The following HHAT variants were observed in gnomAD, a reference collection of about 807,000 sequenced individuals.
HHAT encodes protein-cysteine N-palmitoyltransferase HHAT.
HHAT carries 47 observed loss-of-function variants against 70.8 expected under a neutral mutation model. That is an observed-to-expected ratio of 0.66 (90% confidence interval 0.53 to 0.85). The LOEUF is 0.85. HHAT is among the 40% of genes least tolerant of loss of function. The pLI is 0.00. For synonymous variants in HHAT, 228 were observed against 247.6 expected (o/e 0.92, Z 0.74); for missense variants, 609 against 604.8 (o/e 1.01, Z -0.07).
intron 7 of HHAT, among the ~76,000 whole-genome samples, chr1:210,459,032 A>AG (rs2093926226): frequency 6.6e-6 from 1 of 152,156 alleles, no homozygotes; most frequent in Admixed American, 6.5e-5. Context: ...TATAGTTTTC[A>AG]GGGGGAGAAG....
intron 3 of HHAT, among the ~76,000 whole-genome samples, chr1:210,387,221 AT>A (rs1190024945): frequency 6.6e-6 from 1 of 152,156 alleles, no homozygotes; most frequent in Non-Finnish European, 1.5e-5. Context: ...TCCGAGGTGC[AT>A]TTGGGGAATG....
intron 10 of HHAT, among the ~76,000 whole-genome samples, chr1:210,609,263 G>A (rs1666119658): frequency 6.6e-6 from 1 of 151,886 alleles, no homozygotes; most frequent in Non-Finnish European, 1.5e-5. Flanking sequence ...CAAATATATT[G>A]TTATATAATC....
chr1:210,638,712 C>A (rs936993892), intron 11 of HHAT, among the ~76,000 whole-genome samples: 5 of 119,046 alleles, frequency 4.2e-5, no homozygotes, highest in East Asian at 2.3e-4. Flanking sequence ...ATAGAGAGAC[C>A]CTGTATTTAC....
chr1:210,567,754 G>A (rs1433842910), intron 9 of HHAT, among the ~76,000 whole-genome samples: 1 of 152,154 alleles, frequency 6.6e-6, no homozygotes, highest in African/African-American at 2.4e-5. Context: ...AGCTGTTAGG[G>A]TTATAGAGAT....
intron 8 of HHAT, among the ~76,000 whole-genome samples, chr1:210,492,252 G>A (rs192999319): frequency 7.2e-5 from 11 of 152,198 alleles, no homozygotes; most frequent in Admixed American, 6.5e-4. Flanking sequence ...AGAGGCTCCT[G>A]TAGCTCCAGT....
intron 11 of HHAT, among the ~76,000 whole-genome samples, chr1:210,657,695 C>T (rs1676733228): frequency 6.6e-6 from 1 of 152,258 alleles, no homozygotes; most frequent in Non-Finnish European, 1.5e-5. Flanking sequence ...GCATCACTCT[C>T]TTTCCTTTCC....
intron 2 of HHAT, among the ~76,000 whole-genome samples, chr1:210,350,616 A>G (rs940991916): frequency 2.0e-5 from 3 of 152,202 alleles, no homozygotes; most frequent in East Asian, 3.8e-4. Context: ...TGTTATAGCA[A>G]TCTTGTTATT....
In HHAT at chr1:210,588,058, G is replaced by A; in HGVS notation, c.1204G>A (p.Val402Ile). ...NWLGVTVENGVRRLVETPCIQ... is the reference protein window; with the variant it reads ...NWLGVTVENGIRRLVETPCIQ... ...GCTGGGAGTCACTGTGGAGAATGGA[G>A]TCCGGAGGCTGGTGGAGACTCCCTG... Residue 402 changes from valine to isoleucine, a missense_variant, in exon 10 of 12, where the codon GTC becomes ATC. By Grantham distance (29) the Val-to-Ile change is conservative. Coordinates refer to ENST00000261458, the MANE Select transcript of HHAT (RefSeq NM_018194.6). 6.2e-7 allele frequency: 1 copy of A among 1,612,994 alleles called. No individual in the cohort carries two copies. Among genetic ancestry groups the A allele is most frequent in the South Asian group, 1.1e-5 (1 of 90,956 alleles).
Position 210,370,610 on chromosome 1 carries a change from A to ATTTTT in HHAT, c.159+7708_159+7712dup, listed in dbSNP as rs10664778. On this transcript the variant is annotated intron_variant, in intron 3 of 11. Transcript: ENST00000261458. ...TTTATCCATTCACATTGCAGATGCT[A>ATTTTT]TTTTTTTTTTTTTTTTTTTTTGGAG... Among the ~76,000 whole-genome samples, 763 of 98,318 alleles carry ATTTTT rather than the reference A, an allele frequency of 7.8e-3. 26 individuals carry two copies. Among genetic ancestry groups the ATTTTT allele is most frequent in the Non-Finnish European group, 0.011 (571 of 52,372 alleles). The allele number at this position is 98,318 out of a possible 152,430, so 64.5% of individuals were successfully genotyped here.
At chr1:210,599,239 T>C (rs866726006) in intron 10 of HHAT, among the ~76,000 whole-genome samples, 1 of 152,178 alleles carries the variant, frequency 6.6e-6, no homozygotes, top group South Asian at 2.1e-4. Context: ...GTATCTCCCA[T>C]ATGGCTAATG....
At chr1:210,485,437 T>C (rs1260458706) in intron 8 of HHAT, among the ~76,000 whole-genome samples, 1 of 152,112 alleles carries the variant, frequency 6.6e-6, no homozygotes. Context: ...TTTCATCTCT[T>C]CCTTGGGTGC....
At chr1:210,422,929 G>GCTATAAATACCA (rs1282733150) in intron 7 of HHAT, among the ~76,000 whole-genome samples, 2 of 152,164 alleles carry the variant, frequency 1.3e-5, no homozygotes, top group Admixed American at 6.5e-5. Context: ...GAGCCACCAT[G>GCTATAAATACCA]CCCAGCTTTA....
intron 10 of HHAT, among the ~76,000 whole-genome samples, chr1:210,607,249 G>C (rs765275711): frequency 6.6e-6 from 1 of 151,688 alleles, no homozygotes. Flanking sequence ...TCTTTAATCT[G>C]CTCTATCTTA....
At position 210,332,304 on chromosome 1, in the gene HHAT, G is replaced by A. The variant is rs562187139; in HGVS notation, c.-44+3200G>A. ...GAATAGTTGTGCAGCTGTGGTGTTGGTTAGCAACAAAAGTGCAAGTGACAT... is the reference window on the plus strand; with the variant it reads ...GAATAGTTGTGCAGCTGTGGTGTTGATTAGCAACAAAAGTGCAAGTGACAT... On this transcript the variant is annotated intron_variant, in intron 1 of 11. Coordinates refer to ENST00000261458, the MANE Select transcript of HHAT (RefSeq NM_018194.6). Among the ~76,000 whole-genome samples the A allele has an allele frequency of 2.0e-5, 3 of 152,350 alleles. No homozygotes were observed. In the South Asian group the frequency reaches 6.2e-4, roughly 32 times the overall value.
chr1:210,459,183 A>G lies in HHAT; in HGVS notation c.857-5322A>G, dbSNP rs1398352809. Among the ~76,000 whole-genome samples, 5 of 152,072 alleles carry G rather than the reference A, an allele frequency of 3.3e-5. No individual in the cohort carries two copies. The South Asian group carries it at 8.3e-4, about 25-fold the overall frequency. On this transcript the variant is annotated intron_variant, in intron 7 of 11. Transcript: ENST00000261458. ...GGACTTCTTTCTCTCCTTTTTACCA[A>G]TGTTCTTGATACTGGGAATACAAGG...
intron 10 of HHAT, among the ~76,000 whole-genome samples, chr1:210,591,542 CTTTCT>C (rs1661707095): frequency 6.6e-6 from 1 of 152,046 alleles, no homozygotes; most frequent in Non-Finnish European, 1.5e-5. Flanking sequence ...TACCGATTTC[CTTTCT>C]TTTGAGTATA....
chr1:210,545,063 T>A (rs2095471078), intron 9 of HHAT, among the ~76,000 whole-genome samples: 1 of 151,998 alleles, frequency 6.6e-6, no homozygotes, highest in South Asian at 2.1e-4. Flanking sequence ...TTCTCCATAT[T>A]GTAATGAGAA....
chr1:210,584,880 C>T (rs769698502), intron 9 of HHAT, among the ~76,000 whole-genome samples: 8 of 152,216 alleles, frequency 5.3e-5, no homozygotes, highest in East Asian at 3.8e-4. Flanking sequence ...ATGTCTGTTT[C>T]CCATAATGCC....
rs182094621 is a variant in HHAT, at chr1:210,549,306, A to G, written c.1043+36118A>G. On this transcript the variant is annotated intron_variant, in intron 9 of 11. Coordinates refer to ENST00000261458, the MANE Select transcript of HHAT (RefSeq NM_018194.6). ...TAGGTTTCTATAATGAAGGGTTGGT[A>G]TTGAGCCATTGGCAATAAAGCCTTT... Among the ~76,000 whole-genome samples, 63 of 149,212 alleles carry G rather than the reference A, an allele frequency of 4.2e-4. 3 individuals carry two copies. Among genetic ancestry groups the G allele is most frequent in the Admixed American group, 4.8e-4 (7 of 14,534 alleles).
Sources: gnomAD v4.1 joint callset for allele counts (sites outside exome capture counted in the v4.1 genomes callset) on GRCh38, gnomAD v4.1.1 for gene constraint, MANE v1.5 for transcripts, NCBI Gene and HGNC (gene_info 2026-07-23, HGNC 2026-07-21) for gene names.